MICU2: variants seen among roughly 807,000 people sequenced by gnomAD.
MICU2 encodes mitochondrial calcium uptake 2, also known as calcium uptake protein 2, mitochondrial.
MICU2 carries 64 observed loss-of-function variants against 60.4 expected under a neutral mutation model. That is an observed-to-expected ratio of 1.06 (90% CI 0.87 to 1.31). The LOEUF (loss-of-function observed/expected upper bound fraction) is 1.31, where lower values mean the gene tolerates loss of function less well. MICU2 is among the 50% of genes most tolerant of loss of function. The pLI is 0.00. For missense variants in MICU2, 569 were observed against 531.0 expected, an observed-to-expected ratio of 1.07 and a Z score of -0.70; for synonymous variants, 201 against 175.0, an observed-to-expected ratio of 1.15 and a Z score of -1.17.
intron 1 of MICU2, among the ~76,000 whole-genome samples, chr13:21,603,093 C>G (rs116482943): frequency 0.024 from 3,607 of 151,978 alleles, 150 homozygotes; most frequent in African/African-American, 0.081. Flanking sequence ...TTCAGCCTCC[C>G]GCCACCACAC....
chr13:21,516,827 TGCTACTATATTAA>T (rs1886582488), intron 6 of MICU2, among the ~76,000 whole-genome samples: 1 of 152,222 alleles, frequency 6.6e-6, no homozygotes, highest in Non-Finnish European at 1.5e-5. Context: ...AAAACTATAA[TGCTACTATATTAA>T]GTGTGCAGTC....
intron 11 of MICU2, 106 bp downstream of exon 11, chr13:21,495,055 A>G (rs1885958198): frequency 4.3e-6 from 3 of 698,908 alleles, no homozygotes; most frequent in Non-Finnish European, 6.5e-6. Context: ...TAGTCTTTTT[A>G]TAAGTGATGA....
At chr13:21,587,205 T>C (rs772282140) in intron 1 of MICU2, among the ~76,000 whole-genome samples, 30 of 152,118 alleles carry the variant, frequency 2.0e-4, no homozygotes, top group Non-Finnish European at 1.5e-5. Flanking sequence ...ATAAATGGAC[T>C]CTTTGAGTAA....
At position 21,503,027 on chromosome 13, in the gene MICU2, T is replaced by G; in HGVS notation, c.832A>C (p.Met278Leu). The change falls in exon 9 of 12, where the codon ATG becomes CTG. Residue 278 changes from methionine (M) to leucine (L), a missense_variant. Physicochemically the swap from Met to Leu is conservative, Grantham distance 15 (BLOSUM62 2). Coordinates refer to ENST00000382374, the MANE Select transcript of MICU2 (RefSeq NM_152726.3). ...FLQFSKGLSF[M>L]RKEDFAEWLL... Reference sequence around the variant, plus strand: ...CACTCTGCAAAGTCTTCTTTTCTCATGAAACTCAAACCTTTAGAAAACTGA... The same window carrying G: ...CACTCTGCAAAGTCTTCTTTTCTCAGGAAACTCAAACCTTTAGAAAACTGA... The G allele has an allele frequency of 6.2e-7, 1 of 1,610,778 alleles. No homozygotes were observed. Among genetic ancestry groups the G allele is most frequent in the Non-Finnish European group, 8.5e-7 (1 of 1,178,938 alleles).
chr13:21,504,107 G>A (rs1476423806), intron 8 of MICU2, among the ~76,000 whole-genome samples: 1 of 152,064 alleles, frequency 6.6e-6, no homozygotes, highest in Non-Finnish European at 1.5e-5. Context: ...TGAATACACG[G>A]ATTCATCAAT....
intron 4 of MICU2, among the ~76,000 whole-genome samples, chr13:21,532,480 T>C (rs972501138): frequency 6.6e-6 from 1 of 152,212 alleles, no homozygotes; most frequent in East Asian, 1.9e-4. Flanking sequence ...TCTCACGAGA[T>C]AGAGAATTTC....
chr13:21,599,384 T>C (rs1453677262), intron 1 of MICU2, among the ~76,000 whole-genome samples: 1 of 152,232 alleles, frequency 6.6e-6, no homozygotes, highest in Non-Finnish European at 1.5e-5. Context: ...AATAAGTCTG[T>C]CTCCTCCCTT....
At chr13:21,498,325 A>T (rs1886051734) in intron 9 of MICU2, among the ~76,000 whole-genome samples, 1 of 148,766 alleles carries the variant, frequency 6.7e-6, no homozygotes, top group African/African-American at 2.5e-5. Flanking sequence ...TTCCCCAGAC[A>T]TGAGTTACCA....
At chr13:21,514,495 T>C (rs1886515558) in intron 6 of MICU2, 77 bp from the exon 7 acceptor site, 2 of 1,009,218 alleles carry the variant, frequency 2.0e-6, no homozygotes, top group Non-Finnish European at 3.1e-6. Flanking sequence ...AGATGCCAAC[T>C]TATTGTTATA....
chr13:21,501,149 T>G (rs1886140643), intron 9 of MICU2, among the ~76,000 whole-genome samples: 1 of 152,190 alleles, frequency 6.6e-6, no homozygotes, highest in Non-Finnish European at 1.5e-5. Flanking sequence ...ATTACTAAAT[T>G]TTTCATATGC....
chr13:21,552,896 T>C (rs1462509719), intron 2 of MICU2, among the ~76,000 whole-genome samples: 1 of 152,192 alleles, frequency 6.6e-6, no homozygotes, highest in African/African-American at 2.4e-5. Context: ...TGGCTTAGGA[T>C]TGACTTCGCA....
At chr13:21,524,250 T>C (rs9972004) in intron 4 of MICU2, among the ~76,000 whole-genome samples, 25,953 of 152,128 alleles carry the variant, frequency 0.17, 2,951 homozygotes, top group Non-Finnish European at 0.26. Flanking sequence ...TGAATAATTA[T>C]ATATAATTAT....
chr13:21,542,993 C>CT (rs1396713685), intron 2 of MICU2, among the ~76,000 whole-genome samples: 2 of 152,174 alleles, frequency 1.3e-5, no homozygotes, highest in East Asian at 3.8e-4. Context: ...GGTTACTAGT[C>CT]TAATACATAA....
chr13:21,603,838 C>T, intron 1 of MICU2, 101 bp downstream of exon 1: 1 of 1,325,994 alleles, frequency 7.5e-7, no homozygotes, highest in Non-Finnish European at 1.0e-6. Flanking sequence ...CCTCCACCCA[C>T]GGCTCCGGGA....
intron 1 of MICU2, among the ~76,000 whole-genome samples, chr13:21,594,086 G>A (rs1488483167): frequency 1.3e-5 from 2 of 152,246 alleles, no homozygotes; most frequent in Non-Finnish European, 2.9e-5. Context: ...TCATCAGGGT[G>A]AACAGGCAAC....
At chr13:21,566,624 T>C (rs1159767349) in intron 2 of MICU2, among the ~76,000 whole-genome samples, 173 bp downstream of exon 2, 1 of 152,078 alleles carries the variant, frequency 6.6e-6, no homozygotes, top group African/African-American at 2.4e-5. Context: ...AACAACTATT[T>C]CTAAGATAAA....
intron 2 of MICU2, among the ~76,000 whole-genome samples, chr13:21,542,712 G>C (rs1887314371): frequency 6.6e-6 from 1 of 152,180 alleles, no homozygotes; most frequent in South Asian, 2.1e-4. Flanking sequence ...GGTTCAGGAA[G>C]TAAAATGTTT....
At position 21,548,900 on chromosome 13, in the gene MICU2, G is replaced by A. The variant is rs188391695; in HGVS notation, c.359-9212C>T. ...AATAAAAACTTCCCAGGGTGGGGGAGGAGAGAAGACAAGTTTGAGAGTTTT... is the reference window on the plus strand; with the variant it reads ...AATAAAAACTTCCCAGGGTGGGGGAAGAGAGAAGACAAGTTTGAGAGTTTT... On this transcript the variant is annotated intron_variant, in intron 2 of 11. Transcript: ENST00000382374. Among the ~76,000 whole-genome samples the A allele has an allele frequency of 2.1e-3, 316 of 151,618 alleles. 2 individuals are homozygous for A. Among genetic ancestry groups the A allele is most frequent in the Non-Finnish European group, 3.1e-3 (210 of 67,928 alleles).
rs541427210 is a variant in MICU2 at position 21,498,876 on chromosome 13, T to G, written c.934-2716A>C. Among the ~76,000 whole-genome samples the G allele has an allele frequency of 8.5e-5, 13 of 152,274 alleles. No individual in the cohort carries two copies. The South Asian group carries it at 2.7e-3, about 32-fold the overall frequency. On this transcript the variant is annotated intron_variant, in intron 9 of 11. Transcript: ENST00000382374. The stretch of plus-strand genomic sequence containing the variant: ...CAAATAAGAGTGGCTGCTTCTATCA[T>G]GACCTCGAAGTAGGCACTGGATGCA...
Sources: gnomAD v4.1 joint callset for allele counts (sites outside exome capture counted in the v4.1 genomes callset) on GRCh38, gnomAD v4.1.1 for gene constraint, MANE v1.5 for transcripts, NCBI Gene and HGNC (gene_info 2026-07-23, HGNC 2026-07-21) for gene names.